Variants in PRKG1 observed in about 807,000 individuals in gnomAD.
The protein encoded by PRKG1 is cGMP-dependent protein kinase 1.
PRKG1 carries 35 observed loss-of-function variants against 88.1 expected under a neutral mutation model. The observed-to-expected ratio is 0.40, with a 90% confidence interval of 0.30 to 0.53. The LOEUF is 0.53. PRKG1 is among the 20% of genes least tolerant of loss of function. The probability of loss-of-function intolerance (pLI) is 0.59; values close to 1 mark genes in which losing one functional copy is unlikely to be tolerated. For missense variants in PRKG1, 540 were observed against 839.8 expected (o/e 0.64, Z 4.41); for synonymous variants, 303 against 292.5 (o/e 1.04, Z -0.37).
At chr10:51,764,379 TA>T (rs763506682) in intron 3 of PRKG1, among the ~76,000 whole-genome samples, 18 of 152,152 alleles carry the variant, frequency 1.2e-4, no homozygotes, top group Non-Finnish European at 2.5e-4. Flanking sequence ...ATCGAATAAA[TA>T]GCTTATGTTT....
At chr10:51,755,099 C>T (rs760518515) in intron 3 of PRKG1, among the ~76,000 whole-genome samples, 3 of 151,576 alleles carry the variant, frequency 2.0e-5, no homozygotes, top group Non-Finnish European at 2.9e-5. Flanking sequence ...GAATAAGAGC[C>T]AATTTAATAC....
intron 3 of PRKG1, among the ~76,000 whole-genome samples, chr10:51,791,266 G>A (rs1201363129): frequency 6.6e-6 from 1 of 152,142 alleles, no homozygotes. Flanking sequence ...AGCAAGGTCT[G>A]TATCTTGTTT....
chr10:52,292,556 A>C (rs1842276053), intron 17 of PRKG1, among the ~76,000 whole-genome samples: 1 of 151,806 alleles, frequency 6.6e-6, no homozygotes, highest in Non-Finnish European at 1.5e-5. Flanking sequence ...CAGGTTTGTC[A>C]AAGATCAGAT....
chr10:51,163,864 G>T (rs965226925), intron 2 of PRKG1, among the ~76,000 whole-genome samples: 2 of 152,230 alleles, frequency 1.3e-5, no homozygotes, highest in Admixed American at 6.5e-5. Flanking sequence ...CCATTGCCCA[G>T]GCTCGCTTAG....
intron 7 of PRKG1, among the ~76,000 whole-genome samples, chr10:52,077,625 T>A (rs1343666280): frequency 1.3e-5 from 2 of 152,184 alleles, no homozygotes; most frequent in Non-Finnish European, 2.9e-5. Context: ...GTAAATCTAA[T>A]ATGACGTTTT....
At chr10:51,110,321 G>A (rs886554741) in intron 1 of PRKG1, among the ~76,000 whole-genome samples, 1 of 152,074 alleles carries the variant, frequency 6.6e-6, no homozygotes, top group East Asian at 1.9e-4. Flanking sequence ...CAGGTGAATG[G>A]ATAAAGAAAC....
chr10:52,194,084 T>G (rs1241054130), intron 9 of PRKG1, among the ~76,000 whole-genome samples: 1 of 152,162 alleles, frequency 6.6e-6, no homozygotes, highest in African/African-American at 2.4e-5. Context: ...TTTTGTTGTT[T>G]TATTTTACAT....
chr10:51,626,629 T>TA (rs1208570444), intron 3 of PRKG1, among the ~76,000 whole-genome samples: 1 of 152,184 alleles, frequency 6.6e-6, no homozygotes, highest in African/African-American at 2.4e-5. Flanking sequence ...ATCTTTTACA[T>TA]AGCAACAATC....
chr10:52,252,264 T>C (rs1181892305), intron 10 of PRKG1: 1 of 152,162 alleles, frequency 6.6e-6, no homozygotes, highest in African/African-American at 2.4e-5. Context: ...GATGACACTT[T>C]GTACAAGTTC....
At position 51,094,083 on chromosome 10, in the gene PRKG1, A is replaced by C. The variant is rs1002670366; in HGVS notation, c.311+19182A>C. On this transcript the variant is annotated intron_variant, in intron 1 of 17. Coordinates refer to ENST00000373980, the MANE Select transcript of PRKG1 (RefSeq NM_006258.4). The stretch of plus-strand genomic sequence containing the variant: ...AGTGAACAATGAGTGCTGTTTGTCT[A>C]TCCGGATCTAGGCTCTAAACTACTA... 3.9e-5 allele frequency among the ~76,000 whole-genome samples: 6 copies of C among 152,102 alleles called. No homozygotes were observed. The East Asian group carries it at 1.2e-3, about 29-fold the overall frequency.
intron 1 of PRKG1, among the ~76,000 whole-genome samples, chr10:51,125,450 G>T (rs1845371744): frequency 1.3e-5 from 2 of 150,564 alleles, no homozygotes; most frequent in Admixed American, 1.3e-4. Flanking sequence ...CATTTTAGGA[G>T]GCCAAGTTGG....
chr10:51,275,438 T>C (rs1352976167), intron 2 of PRKG1, among the ~76,000 whole-genome samples: 2 of 152,178 alleles, frequency 1.3e-5, no homozygotes, highest in Non-Finnish European at 2.9e-5. Flanking sequence ...CTTTGGAAAA[T>C]GTCTTTGCAC....
intron 17 of PRKG1, among the ~76,000 whole-genome samples, chr10:52,293,399 TG>T (rs1842308814): frequency 6.6e-6 from 1 of 151,670 alleles, no homozygotes; most frequent in African/African-American, 2.4e-5. Context: ...TTCACAGAAT[TG>T]GAAAAAACTA....
chr10:52,240,604 A>C (rs571149821), intron 9 of PRKG1, among the ~76,000 whole-genome samples: 114 of 152,298 alleles, frequency 7.5e-4, no homozygotes, highest in African/African-American at 2.6e-3. Flanking sequence ...CAAATTTTGC[A>C]TCCAATGGCA....
chr10:52,054,412 A>G, intron 5 of PRKG1, 72 bp from the exon 6 acceptor site: 2 of 1,115,588 alleles, frequency 1.8e-6, no homozygotes, highest in Non-Finnish European at 2.7e-6. Flanking sequence ...GGGGGTTGAT[A>G]TTTGAAGAGG....
At chr10:51,388,051 T>A (rs1452844693) in intron 2 of PRKG1, among the ~76,000 whole-genome samples, 1 of 152,226 alleles carries the variant, frequency 6.6e-6, no homozygotes, top group Non-Finnish European at 1.5e-5. Flanking sequence ...ACATTTAATG[T>A]TCTAATTTAA....
chr10:51,971,517 T>C (rs1843713771), intron 5 of PRKG1, among the ~76,000 whole-genome samples: 1 of 152,114 alleles, frequency 6.6e-6, no homozygotes, highest in African/African-American at 2.4e-5. Flanking sequence ...TCTCTTTTTT[T>C]ATCTTATTGT....
intron 3 of PRKG1, among the ~76,000 whole-genome samples, chr10:51,641,708 A>T (rs1839805132): frequency 6.6e-6 from 1 of 152,138 alleles, no homozygotes; most frequent in African/African-American, 2.4e-5. Context: ...TAATAGCTAT[A>T]CTGGCTCACT....
chr10:51,094,678 A>T (rs1251678243), intron 1 of PRKG1, among the ~76,000 whole-genome samples: 1 of 152,040 alleles, frequency 6.6e-6, no homozygotes, highest in African/African-American at 2.4e-5. Flanking sequence ...AAACATATGG[A>T]TATTTACTGA....
Sources: allele counts gnomAD v4.1 joint callset (sites outside exome capture counted in the v4.1 genomes callset), GRCh38; gene constraint gnomAD v4.1.1; transcripts MANE v1.5; gene names NCBI Gene and HGNC (gene_info 2026-07-23, HGNC 2026-07-21).